The following FMN1 variants were observed in gnomAD, a reference collection of about 807,000 sequenced individuals.
FMN1 encodes formin-1.
In FMN1, 110 loss-of-function variants were observed where a neutral mutation model predicts 132.4. The observed-to-expected ratio is 0.83, with a 90% CI of 0.71 to 0.97. The LOEUF (loss-of-function observed/expected upper bound fraction) is 0.97, where lower values mean the gene tolerates loss of function less well. Ranked by LOEUF, FMN1 falls within the 50% of genes least tolerant of loss-of-function variation. The probability of loss-of-function intolerance (pLI) is 0.00; values close to 1 mark genes in which losing one functional copy is unlikely to be tolerated. For synonymous variants in FMN1, 722 were observed against 651.7 expected (o/e 1.11, Z -1.64); for missense variants, 1,792 against 1,705.3 (o/e 1.05, Z -0.90).
intron 6 of FMN1, among the ~76,000 whole-genome samples, chr15:33,008,506 GAA>G (rs112765908): frequency 6.0e-5 from 9 of 149,076 alleles, no homozygotes; most frequent in Admixed American, 6.0e-4. Flanking sequence ...TTTCAAAAAA[GAA>G]AAAAAAAATC....
chr15:32,981,234 G>A (rs2032629883), intron 7 of FMN1, among the ~76,000 whole-genome samples: 3 of 152,046 alleles, frequency 2.0e-5, no homozygotes, highest in South Asian at 4.2e-4. Context: ...GCTCACGCCT[G>A]TAATCCCAGC....
chr15:33,016,641 A>ATGT (rs2035062739), intron 6 of FMN1, among the ~76,000 whole-genome samples: 2 of 152,188 alleles, frequency 1.3e-5, no homozygotes, highest in South Asian at 4.1e-4. Flanking sequence ...GTTACCTGTA[A>ATGT]TGTTGATCCA....
At chr15:32,894,568 T>A (rs553380277) in intron 15 of FMN1, among the ~76,000 whole-genome samples, 1 of 151,522 alleles carries the variant, frequency 6.6e-6, no homozygotes, top group Non-Finnish European at 1.5e-5. Context: ...TCCTCATATA[T>A]ACATACAAGG....
intron 7 of FMN1, among the ~76,000 whole-genome samples, chr15:32,975,323 C>T (rs1255877832): frequency 6.6e-6 from 1 of 152,214 alleles, no homozygotes; most frequent in Admixed American, 6.5e-5. Context: ...GAGCATCACA[C>T]ACTGCTTGCC....
At chr15:33,030,445 T>A (rs993020399) in intron 6 of FMN1, among the ~76,000 whole-genome samples, 1 of 152,234 alleles carries the variant, frequency 6.6e-6, no homozygotes, top group Non-Finnish European at 1.5e-5. Flanking sequence ...ATCTACGTTC[T>A]GACTTACTGA....
chr15:32,938,596 T>G (rs1169452858), intron 9 of FMN1, among the ~76,000 whole-genome samples: 1 of 152,214 alleles, frequency 6.6e-6, no homozygotes, highest in Non-Finnish European at 1.5e-5. Context: ...GAGAGATCCT[T>G]AGTCATGCAA....
rs573671730 is a variant in FMN1, at chr15:33,133,378, G to C, written c.1867+19670C>G. Among the ~76,000 whole-genome samples the C allele has an allele frequency of 2.0e-5, 3 of 152,260 alleles. No individual in the cohort carries two copies. In the South Asian group the frequency reaches 6.2e-4, roughly 32 times the overall value. On this transcript the variant is annotated intron_variant, in intron 4 of 20. Transcript: ENST00000616417. ...AGAGATCAGTCTTCTGGTCTCTAAGGAACCTCTCACAATATGAACACAGAT... is the reference window on the plus strand; with the variant it reads ...AGAGATCAGTCTTCTGGTCTCTAAGCAACCTCTCACAATATGAACACAGAT...
intron 6 of FMN1, among the ~76,000 whole-genome samples, chr15:33,061,914 G>A (rs1482201414): frequency 6.6e-6 from 1 of 151,994 alleles, no homozygotes; most frequent in African/African-American, 2.4e-5. Flanking sequence ...AAAGTAGAAA[G>A]AAACCCTTTA....
intron 17 of FMN1, among the ~76,000 whole-genome samples, chr15:32,846,561 T>C (rs974947024): frequency 3.3e-5 from 5 of 152,042 alleles, no homozygotes; most frequent in Admixed American, 2.0e-4. Context: ...CAAGAAACAA[T>C]AGATGCTGGT....
intron 6 of FMN1, among the ~76,000 whole-genome samples, chr15:33,017,480 T>TA (rs2035123520): frequency 6.6e-6 from 1 of 151,644 alleles, no homozygotes; most frequent in Non-Finnish European, 1.5e-5. Flanking sequence ...AATAGTTGAT[T>TA]TTTTTTTTCA....
At chr15:33,045,240 G>C (rs1043040877) in intron 6 of FMN1, among the ~76,000 whole-genome samples, 2 of 152,216 alleles carry the variant, frequency 1.3e-5, no homozygotes, top group African/African-American at 4.8e-5. Context: ...CAGCCAGCAT[G>C]CCTGGCTGTG....
chr15:32,956,351 C>T (rs2061767630), intron 9 of FMN1, among the ~76,000 whole-genome samples: 1 of 145,786 alleles, frequency 6.9e-6, no homozygotes, highest in Non-Finnish European at 1.5e-5. Flanking sequence ...TTGACAAGTC[C>T]TAACCACTCT....
At chr15:33,058,827 C>A (rs181017913) in intron 6 of FMN1, among the ~76,000 whole-genome samples, 11 of 152,284 alleles carry the variant, frequency 7.2e-5, no homozygotes, top group African/African-American at 2.6e-4. Context: ...TTGATACAGG[C>A]ATACCATGTG....
At chr15:33,101,589 T>TA (rs1375462498) in intron 4 of FMN1, among the ~76,000 whole-genome samples, 3 of 152,186 alleles carry the variant, frequency 2.0e-5, no homozygotes, top group Non-Finnish European at 4.4e-5. Context: ...CCCTGCCCCC[T>TA]AACTCAAATC....
At chr15:32,916,790 T>C (rs1185044863) in intron 10 of FMN1, among the ~76,000 whole-genome samples, 2 of 152,198 alleles carry the variant, frequency 1.3e-5, no homozygotes, top group Non-Finnish European at 2.9e-5. Flanking sequence ...TTTACAATGT[T>C]AACTCTGCAA....
chr15:33,004,496 T>G (rs1217663978), intron 7 of FMN1, among the ~76,000 whole-genome samples: 3 of 152,166 alleles, frequency 2.0e-5, no homozygotes, highest in Non-Finnish European at 2.9e-5. Context: ...TGAGATACTA[T>G]CTCACATCAG....
At chr15:33,066,598 G>A (rs2037738187) in intron 5 of FMN1, 2 of 1,613,636 alleles carry the variant, frequency 1.2e-6, no homozygotes, top group African/African-American at 2.7e-5. Flanking sequence ...GTCTCATCTT[G>A]CGCTTGAGAG....
chr15:32,967,611 T>C (rs2031364957), intron 8 of FMN1, among the ~76,000 whole-genome samples: 1 of 152,208 alleles, frequency 6.6e-6, no homozygotes, highest in African/African-American at 2.4e-5. Flanking sequence ...AATTACAAAG[T>C]ATAATTGAAT....
chr15:32,843,114 C>T (rs1261158890), intron 17 of FMN1, among the ~76,000 whole-genome samples: 1 of 140,192 alleles, frequency 7.1e-6, no homozygotes, highest in African/African-American at 2.7e-5. Flanking sequence ...GCAACAAGAG[C>T]GAAACTCTGT....
Sources: gnomAD v4.1 joint callset for allele counts (sites outside exome capture counted in the v4.1 genomes callset) on GRCh38, gnomAD v4.1.1 for gene constraint, MANE v1.5 for transcripts, NCBI Gene and HGNC (gene_info 2026-07-23, HGNC 2026-07-21) for gene names.